Variants in SGCD observed in about 807,000 individuals in gnomAD.
The protein encoded by SGCD is delta-sarcoglycan.
In SGCD, 18 loss-of-function variants were observed where a neutral mutation model predicts 36.6. The observed-to-expected ratio is 0.49, with a 90% CI of 0.34 to 0.73. The LOEUF is 0.73. Among genes scored for constraint, SGCD ranks in the 30% least tolerant of loss-of-function variants. SGCD has a pLI of 0.01. For missense variants in SGCD, 387 were observed against 346.7 expected, an observed-to-expected ratio of 1.12 and a Z score of -0.92; for synonymous variants, 133 against 130.6, an observed-to-expected ratio of 1.02 and a Z score of -0.12.
chr5:156,355,988 G>A (rs757633945), intron 3 of SGCD, among the ~76,000 whole-genome samples: 6 of 152,216 alleles, frequency 3.9e-5, no homozygotes, highest in African/African-American at 2.4e-5. Flanking sequence ...GTGTGAGGGT[G>A]TGAGTGTGTA....
intron 3 of SGCD, among the ~76,000 whole-genome samples, chr5:156,494,331 TC>T (rs1479983121): frequency 7.7e-6 from 1 of 129,902 alleles, no homozygotes; most frequent in East Asian, 2.2e-4. Context: ...TTTAATCCCC[TC>T]CTATTTTTTT....
chr5:156,265,736 T>C (rs1329840986), intron 3 of SGCD, among the ~76,000 whole-genome samples: 6 of 152,008 alleles, frequency 3.9e-5, no homozygotes, highest in Non-Finnish European at 4.4e-5. Context: ...GGCCCCATAA[T>C]TTATTTTTGC....
At chr5:156,017,831 A>ATCATC (rs991191496) in intron 1 of SGCD, among the ~76,000 whole-genome samples, 1 of 152,190 alleles carries the variant, frequency 6.6e-6, no homozygotes, top group Non-Finnish European at 1.5e-5. Flanking sequence ...AAAAAGAACC[A>ATCATC]TCATCTCCTC....
chr5:156,294,518 C>T (rs1033722593), intron 3 of SGCD, among the ~76,000 whole-genome samples: 20 of 152,088 alleles, frequency 1.3e-4, no homozygotes, highest in Non-Finnish European at 2.2e-4. Context: ...TCCAGTTCCA[C>T]GTGAAATAGA....
At chr5:156,740,126 A>G (rs1756593224) in intron 7 of SGCD, among the ~76,000 whole-genome samples, 2 of 152,362 alleles carry the variant, frequency 1.3e-5, no homozygotes, top group East Asian at 3.9e-4. Context: ...ATCCAGGCAG[A>G]AAACTAATTG....
intron 4 of SGCD, among the ~76,000 whole-genome samples, chr5:156,581,469 C>T (rs1026666216): frequency 2.6e-5 from 4 of 152,152 alleles, no homozygotes; most frequent in South Asian, 2.1e-4. Flanking sequence ...CAGACAGGGA[C>T]GTTTAAGTCT....
chr5:156,342,635 C>G (rs1294577912), intron 2 of SGCD, among the ~76,000 whole-genome samples: 1 of 152,224 alleles, frequency 6.6e-6, no homozygotes, highest in Non-Finnish European at 1.5e-5. Flanking sequence ...TCTTATAACA[C>G]ATCCCTGATC....
chr5:156,110,671 C>A (rs1581104565), intron 1 of SGCD, among the ~76,000 whole-genome samples: 1 of 151,506 alleles, frequency 6.6e-6, no homozygotes, highest in East Asian at 1.9e-4. Flanking sequence ...AAAAAAAAAA[C>A]TCTCTTTCCC....
At chr5:155,823,082 CTATCTATCTATCTATCT>C in the SGCD span, among the ~76,000 whole-genome samples, 1 of 151,422 alleles carries the variant, frequency 6.6e-6, no homozygotes, top group Non-Finnish European at 1.5e-5. Flanking sequence ...ATCTATCTAT[CTATCTATCTATCTATCT>C]ATCTATCTAT....
At position 155,975,609 on chromosome 5, in the gene SGCD, C is replaced by CTTTTTTTTTTTTTT. The variant is rs763067309; in HGVS notation, c.-282+105209_-282+105222dup. Among the ~76,000 whole-genome samples, 11 of 28,008 alleles carry CTTTTTTTTTTTTTT rather than the reference C, an allele frequency of 3.9e-4. 4 individuals carry two copies. The highest frequency in any genetic ancestry group is 4.1e-4 in the Non-Finnish European group (6 of 14,596). 18.4% of individuals were successfully genotyped at this position (28,008 alleles called of 152,430 possible). On this transcript the variant is annotated intron_variant, in intron 1 of 9. Transcript: ENST00000517913. ...TGTGTTATTTATTTTTCTTTCTTTC[C>CTTTTTTTTTTTTTT]TTTTTTTTTTTTTTTTTTTTTTTTT...
intron 6 of SGCD, among the ~76,000 whole-genome samples, chr5:156,622,593 G>C (rs1762296212): frequency 6.6e-6 from 1 of 151,682 alleles, no homozygotes; most frequent in Admixed American, 6.6e-5. Flanking sequence ...CATTTTCTAT[G>C]ACATGAGAGC....
intron 1 of SGCD, among the ~76,000 whole-genome samples, chr5:155,876,436 A>C (rs1755769396): frequency 6.6e-6 from 1 of 152,042 alleles, no homozygotes; most frequent in Non-Finnish European, 1.5e-5. Flanking sequence ...ACATGAATGG[A>C]AGTGGTTGTG....
intron 6 of SGCD, among the ~76,000 whole-genome samples, chr5:156,605,234 T>C (rs1659554902): frequency 6.6e-6 from 1 of 152,150 alleles, no homozygotes; most frequent in African/African-American, 2.4e-5. Flanking sequence ...CGGTGTGTGA[T>C]GTTCCCCTTC....
intron 7 of SGCD, among the ~76,000 whole-genome samples, chr5:156,712,023 G>T (rs1290918339): frequency 6.6e-6 from 1 of 152,170 alleles, no homozygotes; most frequent in Admixed American, 6.5e-5. Flanking sequence ...TCATAGTTTG[G>T]TGGGAGTGTA....
At chr5:155,933,717 T>C (rs1757142009) in intron 1 of SGCD, among the ~76,000 whole-genome samples, 1 of 152,242 alleles carries the variant, frequency 6.6e-6, no homozygotes, top group South Asian at 2.1e-4. Context: ...ATATAAAATA[T>C]GTACCTACCT....
intron 1 of SGCD, among the ~76,000 whole-genome samples, chr5:156,090,400 AT>A (rs913740165): frequency 2.6e-5 from 4 of 152,170 alleles, no homozygotes; most frequent in African/African-American, 9.6e-5. Context: ...GCCATTACAT[AT>A]TGGTAGGACT....
chr5:156,185,509 T>G (rs145658172), intron 3 of SGCD, among the ~76,000 whole-genome samples: 2 of 152,052 alleles, frequency 1.3e-5, no homozygotes, highest in East Asian at 1.9e-4. Flanking sequence ...CCACCGCGCC[T>G]GGCCTCTTTT....
intron 4 of SGCD, among the ~76,000 whole-genome samples, chr5:156,551,134 A>C (rs1278790886): frequency 6.6e-6 from 1 of 152,046 alleles, no homozygotes; most frequent in Non-Finnish European, 1.5e-5. Context: ...CTCTTACCTC[A>C]AGACCTTTGC....
chr5:156,389,333 C>T (rs1430597460), intron 3 of SGCD, among the ~76,000 whole-genome samples: 1 of 152,222 alleles, frequency 6.6e-6, no homozygotes, highest in Admixed American at 6.5e-5. Flanking sequence ...ATTCATATAT[C>T]CCCAAACTAG....
Sources: gnomAD v4.1 joint callset for allele counts (sites outside exome capture counted in the v4.1 genomes callset) on GRCh38, gnomAD v4.1.1 for gene constraint, MANE v1.5 for transcripts, NCBI Gene and HGNC (gene_info 2026-07-23, HGNC 2026-07-21) for gene names.